Variants in LRPPRC observed in about 807,000 individuals in gnomAD.
The protein encoded by LRPPRC is leucine rich pentatricopeptide repeat containing, also known as leucine-rich PPR motif-containing protein, mitochondrial.
A neutral mutation model predicts 180.3 loss-of-function variants in LRPPRC; 120 were observed. The observed-to-expected ratio is 0.67, with a 90% CI of 0.57 to 0.77. The LOEUF (loss-of-function observed/expected upper bound fraction) is 0.77. LRPPRC is among the 30% of genes least tolerant of loss of function. The pLI, the probability that LRPPRC is intolerant of heterozygous loss-of-function variation, is 0.00. For missense variants in LRPPRC, 2,012 were observed against 1,657.2 expected, an observed-to-expected ratio of 1.21 and a Z score of -3.72; for synonymous variants, 723 against 600.0, an observed-to-expected ratio of 1.21 and a Z score of -3.00.
chr2:43,911,117 A>G (rs1474556832), intron 30 of LRPPRC, among the ~76,000 whole-genome samples: 1 of 150,714 alleles, frequency 6.6e-6, no homozygotes, highest in Non-Finnish European at 1.5e-5. Flanking sequence ...AAATTTTCCA[A>G]GTCACTAATT....
In LRPPRC at chr2:43,960,545, T is replaced by C. The variant is rs775445022; in HGVS notation, c.1578A>G (p.Ser526=). Residue 526 remains serine, a synonymous_variant, in exon 13 of 38, where the codon TCA becomes TCG. Coordinates refer to ENST00000260665, the MANE Select transcript of LRPPRC (RefSeq NM_133259.4). ...CCGCTAATGTTGTATACTTACAAAA[T>C]GATAATACAAAGTCTAAGTTCCCAT... ...AANGNLDFVL[S]FLKSNTLPIS... 31 of 1,539,654 alleles carry C rather than the reference T, an allele frequency of 2.0e-5. No homozygotes were observed. The highest frequency in any genetic ancestry group is 2.7e-5 in the Non-Finnish European group (30 of 1,113,644).
At chr2:43,923,229 A>G (rs1174020427) in intron 27 of LRPPRC, among the ~76,000 whole-genome samples, 1 of 149,676 alleles carries the variant, frequency 6.7e-6, no homozygotes, top group Non-Finnish European at 1.5e-5. Flanking sequence ...CTGTAATCCC[A>G]GCACTGTGGA....
intron 12 of LRPPRC, among the ~76,000 whole-genome samples, chr2:43,963,252 C>T (rs553166334): frequency 6.6e-6 from 1 of 152,146 alleles, no homozygotes; most frequent in African/African-American, 2.4e-5. Flanking sequence ...TGAGTCCAGC[C>T]CGACCAACAT....
rs928493758 is a variant in LRPPRC, at chr2:43,886,329, A to C, written c.*2271T>G. On this transcript the variant is annotated 3_prime_UTR_variant, in exon 38 of 38. Transcript: ENST00000260665. ...AAAATACTATAGTTCTCAATAGTTT[A>C]CAGTGACATCTTTTTTAGAATTAGC... Among the ~76,000 whole-genome samples, 1 of 152,226 alleles carries C rather than the reference A, an allele frequency of 6.6e-6. No individual in the cohort carries two copies. The highest frequency in any genetic ancestry group is 2.4e-5 in the African/African-American group (1 of 41,462).
At chr2:43,891,515 C>T (rs367742708) in intron 36 of LRPPRC, among the ~76,000 whole-genome samples, 30 of 152,236 alleles carry the variant, frequency 2.0e-4, no homozygotes, top group South Asian at 8.3e-4. Context: ...ATATCTGTTA[C>T]GGTGATCTGT....
At chr2:43,928,817 A>C (rs1381190822) in intron 25 of LRPPRC, among the ~76,000 whole-genome samples, 1 of 152,142 alleles carries the variant, frequency 6.6e-6, no homozygotes, top group Non-Finnish European at 1.5e-5. Context: ...TCCAAGTACA[A>C]CTGACCCTTG....
Position 43,947,755 on chromosome 2 carries a change from C to G in LRPPRC, c.1941G>C (p.Glu647Asp), listed in dbSNP as rs759744221. 1.3e-6 allele frequency: 2 copies of G among 1,590,094 alleles called. No homozygotes were observed. Among genetic ancestry groups the G allele is most frequent in the Non-Finnish European group, 1.7e-6 (2 of 1,158,454 alleles). ...CTTTTTGAAAGTCTAAATTCTTACTCTCAACCAACAAGTGAGCATCCTAAA... is the reference window on the plus strand; with the variant it reads ...CTTTTTGAAAGTCTAAATTCTTACTGTCAACCAACAAGTGAGCATCCTAAA... ...ELIKDAHLLV[E>D]SKNLDFQKTV... is the part of the protein sequence containing the mutation. The change falls in exon 19 of 38, where the codon GAG (glutamate) becomes GAC (aspartate). Residue 647 changes from glutamate (E) to aspartate (D), a missense_variant. Glu to Asp is a conservative substitution (Grantham distance 45). Transcript: ENST00000260665.
intron 34 of LRPPRC, 110 bp from the exon 35 acceptor site, chr2:43,896,818 C>A: frequency 2.7e-6 from 2 of 738,428 alleles, no homozygotes; most frequent in South Asian, 1.5e-5. Flanking sequence ...GTATTATTAC[C>A]AATAGGAAGG....
chr2:43,917,322 T>C (rs545656358), intron 29 of LRPPRC, among the ~76,000 whole-genome samples: 1 of 151,940 alleles, frequency 6.6e-6, no homozygotes, highest in South Asian at 2.1e-4. Context: ...GTGCTGGGAT[T>C]ACAGGTGTGA....
chr2:43,891,898 A>T (rs1339752640), intron 36 of LRPPRC, among the ~76,000 whole-genome samples: 1 of 152,236 alleles, frequency 6.6e-6, no homozygotes, highest in Admixed American at 6.5e-5. Context: ...AGGAAATTAA[A>T]AAGGTGCTAC....
At chr2:43,984,505 C>T (rs1036745602) in intron 1 of LRPPRC, among the ~76,000 whole-genome samples, 6 of 152,050 alleles carry the variant, frequency 3.9e-5, no homozygotes, top group African/African-American at 1.2e-4. Context: ...CATAAGTGTG[C>T]TTGGATTTAA....
chr2:43,941,813 G>A (rs1430401707), intron 23 of LRPPRC, among the ~76,000 whole-genome samples: 1 of 138,486 alleles, frequency 7.2e-6, no homozygotes, highest in Non-Finnish European at 1.5e-5. Flanking sequence ...ACCTCATCAT[G>A]GAGACTGCAT....
chr2:43,912,391 C>A (rs762797104), intron 30 of LRPPRC, 41 bp downstream of exon 30: 1 of 1,581,732 alleles, frequency 6.3e-7, no homozygotes. Flanking sequence ...AGCCAATATT[C>A]TTTTTTAAAC....
chr2:43,989,858 G>T (rs1674692862), intron 1 of LRPPRC, among the ~76,000 whole-genome samples: 1 of 152,138 alleles, frequency 6.6e-6, no homozygotes, highest in African/African-American at 2.4e-5. Context: ...TTCCTAATTT[G>T]TAATAACCCA....
rs1572949705 is a variant in LRPPRC at position 43,943,652 on chromosome 2, G to A, written c.2504+35C>T. On this transcript the variant is annotated intron_variant, in intron 23 of 37. Transcript: ENST00000260665. The stretch of plus-strand genomic sequence containing the variant: ...AAATTATTAGACTCATTCTTTTAAT[G>A]CCAACATTTAAAATTCAAAATTCAA... The A allele has an allele frequency of 4.6e-6, 7 of 1,530,810 alleles. No homozygotes were observed. In the East Asian group the frequency reaches 1.6e-4, roughly 34 times the overall value. The allele number at this position is 1,530,810 out of a possible 1,614,324, so 94.8% of individuals were successfully genotyped here.
intron 11 of LRPPRC, among the ~76,000 whole-genome samples, chr2:43,968,888 A>C (rs1559031227): frequency 6.6e-6 from 1 of 152,236 alleles, no homozygotes; most frequent in African/African-American, 2.4e-5. Context: ...ACTCATGCAC[A>C]CAGGCATACA....
At chr2:43,911,630 G>A (rs997096798) in intron 30 of LRPPRC, among the ~76,000 whole-genome samples, 2 of 145,066 alleles carry the variant, frequency 1.4e-5, no homozygotes, top group Non-Finnish European at 3.0e-5. Flanking sequence ...GGGTTCAAGT[G>A]ATACTCCTGC....
Position 43,963,701 on chromosome 2 carries a change from T to C in LRPPRC, c.1375A>G (p.Ile459Val), listed in dbSNP as rs1169593962. The C allele has an allele frequency of 6.8e-7, 1 of 1,473,400 alleles. No individual in the cohort carries two copies. 91.3% of individuals were successfully genotyped at this position (1,473,400 alleles called of 1,614,324 possible). A position where few individuals can be genotyped will look rare whatever the true frequency, so the allele number is the denominator to read the frequency against. The change falls in exon 12 of 38, where the codon ATT (isoleucine) becomes GTT (valine). Residue 459 changes from isoleucine to valine, a missense_variant. Ile to Val is a conservative substitution (Grantham distance 29). Transcript: ENST00000260665. ...RRKEKNVQGI[I>V]EILKGMQELG... ...TCTTGCATTCCTTTGAGGATTTCAA[T>C]TATACCTACCAAATAAAATGTAGAA...
At chr2:43,958,065 AG>A (rs1486127339) in intron 13 of LRPPRC, among the ~76,000 whole-genome samples, 1 of 152,184 alleles carries the variant, frequency 6.6e-6, no homozygotes, top group Non-Finnish European at 1.5e-5. Context: ...GACATTTAAC[AG>A]TCTACAACCT....
Sources: allele counts gnomAD v4.1 joint callset (sites outside exome capture counted in the v4.1 genomes callset), GRCh38; gene constraint gnomAD v4.1.1; transcripts MANE v1.5; gene names NCBI Gene and HGNC (gene_info 2026-07-23, HGNC 2026-07-21).